NSMCE4A: variants seen among roughly 807,000 people sequenced by gnomAD.
The protein encoded by NSMCE4A is non-structural maintenance of chromosomes element 4 homolog A.
Under a neutral mutation model 47.9 loss-of-function variants are expected in NSMCE4A, and 40 were observed. That is an observed-to-expected ratio of 0.83 (90% CI 0.65 to 1.09). The LOEUF is 1.09. Among genes scored for constraint, NSMCE4A ranks in the 50% least tolerant of loss-of-function variants. The pLI is 0.00. For missense variants in NSMCE4A, 500 were observed against 507.0 expected, an observed-to-expected ratio of 0.99 and a Z score of 0.13; for synonymous variants, 166 against 178.5, an observed-to-expected ratio of 0.93 and a Z score of 0.56.
intron 5 of NSMCE4A, 47 bp from the exon 6 acceptor site, chr10:121,963,375 T>G (rs761124406): frequency 1.8e-6 from 2 of 1,099,670 alleles, no homozygotes; most frequent in Non-Finnish European, 2.8e-6. Flanking sequence ...ACTGGCCTAT[T>G]AACGTTTTCT....
intron 1 of NSMCE4A, 148 bp downstream of exon 1, chr10:121,974,726 C>T (rs549371613): frequency 1.8e-6 from 2 of 1,140,626 alleles, no homozygotes; most frequent in Non-Finnish European, 1.1e-6. Flanking sequence ...ATTTAAGGTG[C>T]GGCGAGGGGC....
intron 2 of NSMCE4A, among the ~76,000 whole-genome samples, chr10:121,973,028 G>C (rs1161345027): frequency 6.6e-6 from 1 of 152,128 alleles, no homozygotes; most frequent in Non-Finnish European, 1.5e-5. Context: ...CCTGAGGTCA[G>C]GAGTTCGAGA....
chr10:121,963,230 A>G lies in NSMCE4A; in HGVS notation c.844+8T>C, dbSNP rs1159271321. On this transcript the variant is annotated splice_region_variant and intron_variant, in intron 6 of 10. Coordinates refer to ENST00000369023, the MANE Select transcript of NSMCE4A (RefSeq NM_017615.3). The stretch of plus-strand genomic sequence containing the variant: ...AAATTGCTCCACTTTGAATGGTGTT[A>G]CACTTACGATCTTCTCGAAAATATG... 1.3e-6 allele frequency: 2 copies of G among 1,568,670 alleles called. No homozygotes were observed. The highest frequency in any genetic ancestry group is 1.8e-6 in the Non-Finnish European group (2 of 1,139,216).
At chr10:121,966,381 G>A (rs1952607283) in intron 4 of NSMCE4A, 1 of 152,190 alleles carries the variant, frequency 6.6e-6, no homozygotes, top group Non-Finnish European at 1.5e-5. Flanking sequence ...ACTTCATTGT[G>A]GCTGGAAATT....
intron 5 of NSMCE4A, among the ~76,000 whole-genome samples, chr10:121,964,978 A>G (rs1590783262): frequency 6.6e-6 from 1 of 152,092 alleles, no homozygotes; most frequent in African/African-American, 2.4e-5. Flanking sequence ...GAGGCTGGGG[A>G]TGCCGCTAAG....
chr10:121,962,619 C>CTTT (rs10656394), intron 6 of NSMCE4A, among the ~76,000 whole-genome samples: 1 of 148,416 alleles, frequency 6.7e-6, no homozygotes, highest in East Asian at 2.0e-4. Context: ...AAAAAACAAA[C>CTTT]TTTTTTTTTT....
Position 121,975,041 on chromosome 10 carries a change from G to T in NSMCE4A, c.125C>A (p.Ser42Tyr). The change falls in exon 1 of 11, where the codon TCT (serine) becomes TAT (tyrosine). Residue 42 changes from serine (S) to tyrosine (Y), a missense_variant. Transcript: ENST00000369023. Reference sequence around the variant, plus strand: ...TGGGGCCTCTCTGCGCTCCCGCGCAGAGCCGCGGCGGGACCTGGGCGACAA... The same window carrying T: ...TGGGGCCTCTCTGCGCTCCCGCGCATAGCCGCGGCGGGACCTGGGCGACAA... ...SPLSPRSRRG[S>Y]ARERREAPER... The T allele has an allele frequency of 1.4e-6, 2 of 1,472,238 alleles. No homozygotes were observed. Among genetic ancestry groups the T allele is most frequent in the Admixed American group, 2.6e-5 (1 of 37,992 alleles). The allele number at this position is 1,472,238 out of a possible 1,614,324, so 91.2% of individuals were successfully genotyped here. A position where few individuals can be genotyped will look rare whatever the true frequency, so the allele number is the denominator to read the frequency against.
intron 2 of NSMCE4A, among the ~76,000 whole-genome samples, chr10:121,972,163 G>T (rs1952726445): frequency 6.6e-6 from 1 of 151,954 alleles, no homozygotes; most frequent in Non-Finnish European, 1.5e-5. Context: ...CTCTACTAAA[G>T]AATCAAAAAT....
chr10:121,965,251 A>AGG, intron 5 of NSMCE4A, 35 bp downstream of exon 5: 1 of 1,430,824 alleles, frequency 7.0e-7, no homozygotes, highest in South Asian at 1.2e-5. Flanking sequence ...TTTAACTTTA[A>AGG]TGTGTTTTTT....
At chr10:121,962,111 A>T (rs1952511768) in intron 6 of NSMCE4A, 1 of 3,402 alleles carries the variant, frequency 2.9e-4, no homozygotes, top group Non-Finnish European at 5.8e-4. Context: ...CTGTCTCCTA[A>T]AAAAAAAAAA....
intron 6 of NSMCE4A, 25 bp from the exon 7 acceptor site, chr10:121,961,542 A>T (rs1333327848): frequency 1.4e-6 from 2 of 1,480,092 alleles, no homozygotes; most frequent in Non-Finnish European, 9.1e-7. Context: ...AGAAAAAAAA[A>T]TTGATTTTTG....
At chr10:121,974,680 C>A (rs914450442) in intron 1 of NSMCE4A, 194 bp downstream of exon 1, 11 of 1,104,834 alleles carry the variant, frequency 1.0e-5, no homozygotes, top group Non-Finnish European at 1.2e-5. Flanking sequence ...CAAGGTCGTA[C>A]GGCTCCAGCC....
chr10:121,974,192 G>T, intron 1 of NSMCE4A, 111 bp from the exon 2 acceptor site: 1 of 1,353,996 alleles, frequency 7.4e-7, no homozygotes, highest in Non-Finnish European at 1.0e-6. Context: ...TGCGCTCTGA[G>T]TAATTACTTC....
At chr10:121,958,271 A>G (rs1430107047) in intron 10 of NSMCE4A, among the ~76,000 whole-genome samples, 2 of 152,178 alleles carry the variant, frequency 1.3e-5, no homozygotes, top group Non-Finnish European at 2.9e-5. Context: ...GACTTGCCCA[A>G]GGTTTTAAAG....
At chr10:121,963,102 AGGGGAG>A in intron 6 of NSMCE4A, 130 bp downstream of exon 6, 1 of 426,422 alleles carries the variant, frequency 2.3e-6, no homozygotes, top group East Asian at 3.5e-5. Flanking sequence ...AAATTTCTAA[AGGGGAG>A]AAGAATCCTC....
rs1432640491 is a variant in NSMCE4A at position 121,960,474 on chromosome 10, A to G, written c.940-68T>C. On this transcript the variant is annotated intron_variant, in intron 7 of 10. Transcript: ENST00000369023. This position sits in a 1 kb window ranked among gnomAD's most constrained non-coding sequence, Gnocchi z 4.2. The stretch of plus-strand genomic sequence containing the variant: ...ACTCAAACCTATACGCACTAGATGG[A>G]AAAAATTACTCAGAAAATTCAGTAT... 8.0e-6 allele frequency: 9 copies of G among 1,129,190 alleles called. No homozygotes were observed. Among genetic ancestry groups the G allele is most frequent in the African/African-American group, 1.6e-5 (1 of 60,732 alleles). 69.9% of individuals were successfully genotyped at this position (1,129,190 alleles called of 1,614,324 possible).
chr10:121,959,636 T>G (rs758696791), intron 8 of NSMCE4A, 41 bp from the exon 9 acceptor site: 1 of 1,400,742 alleles, frequency 7.1e-7, no homozygotes, highest in Non-Finnish European at 1.0e-6. Flanking sequence ...CAAAGGTTAT[T>G]AAATCGGAAC....
chr10:121,962,610 A>T (rs1406724010), intron 6 of NSMCE4A, among the ~76,000 whole-genome samples: 1 of 47,590 alleles, frequency 2.1e-5, no homozygotes, highest in Non-Finnish European at 4.0e-5. Context: ...AAAAAAAGAA[A>T]AAAACAAACT....
rs370318770 is a variant in NSMCE4A at position 121,974,920 on chromosome 10, G to A, written c.246C>T (p.Cys82=). 1.2e-5 allele frequency: 18 copies of A among 1,531,556 alleles called. No homozygotes were observed. The highest frequency in any genetic ancestry group is 2.0e-5 in the Admixed American group (1 of 50,040). The allele number at this position is 1,531,556 out of a possible 1,614,324, so 94.9% of individuals were successfully genotyped here. A position where few individuals can be genotyped will look rare whatever the true frequency, so the allele number is the denominator to read the frequency against. ...SLEAEADQGL[C]RQIRHQYRAL... ...CCCGGTACTGATGGCGGATCTGGCG[G>A]CACAGGCCTTGGTCGGCCTCCGCCT... The change falls in exon 1 of 11, where the codon TGC becomes TGT. Residue 82 remains cysteine (C), a synonymous_variant. Transcript: ENST00000369023.
Sources: allele counts gnomAD v4.1 joint callset (sites outside exome capture counted in the v4.1 genomes callset), GRCh38; gene constraint gnomAD v4.1.1; non-coding constraint Gnocchi (gnomAD v3.1); transcripts MANE v1.5; gene names NCBI Gene and HGNC (gene_info 2026-07-23, HGNC 2026-07-21).